The following NIBAN2 variants were observed in gnomAD, a reference collection of about 807,000 sequenced individuals.
The protein encoded by NIBAN2 is niban apoptosis regulator 2.
A neutral mutation model predicts 81.8 loss-of-function variants in NIBAN2; 36 were observed. The observed-to-expected ratio is 0.44, with a 90% CI of 0.34 to 0.58. The LOEUF is 0.58. NIBAN2 is among the 20% of genes least tolerant of loss of function. The pLI, the probability that NIBAN2 is intolerant of heterozygous loss-of-function variation, is 0.02. For missense variants in NIBAN2, 897 were observed against 1,014.1 expected, an observed-to-expected ratio of 0.88 and a Z score of 1.57; for synonymous variants, 445 against 441.6, an observed-to-expected ratio of 1.01 and a Z score of -0.10.
chr9:127,507,547 T>C lies in NIBAN2; in HGVS notation c.1655-116A>G. 1 of 943,416 alleles carries C rather than the reference T, an allele frequency of 1.1e-6. No individual in the cohort carries two copies. Among genetic ancestry groups the C allele is most frequent in the Non-Finnish European group, 1.6e-6 (1 of 644,000 alleles). 58.4% of individuals were successfully genotyped at this position (943,416 alleles called of 1,614,324 possible). A position where few individuals can be genotyped will look rare whatever the true frequency, so the allele number is the denominator to read the frequency against. ...CCGCCTTGGGGGTCTGTGGTTGGGA[T>C]GTGACTCATTCCAGGCCTCGTTGCT... On this transcript the variant is annotated intron_variant, in intron 13 of 13. Coordinates refer to ENST00000373312, the MANE Select transcript of NIBAN2 (RefSeq NM_022833.4). This position sits in a 1 kb window ranked among gnomAD's most constrained non-coding sequence, Gnocchi z 6.8.
At chr9:127,515,155 G>A (rs960623597) in intron 8 of NIBAN2, among the ~76,000 whole-genome samples, 4 of 152,102 alleles carry the variant, frequency 2.6e-5, no homozygotes, top group South Asian at 2.1e-4. Flanking sequence ...GAGCTCAGGA[G>A]GTCACGCAGT....
intron 1 of NIBAN2, among the ~76,000 whole-genome samples, chr9:127,544,446 T>G (rs987831510): frequency 1.3e-5 from 2 of 152,186 alleles, no homozygotes; most frequent in East Asian, 3.8e-4. Context: ...TAGGGCTGCA[T>G]GAACCCTATA....
intron 5 of NIBAN2, among the ~76,000 whole-genome samples, chr9:127,521,588 C>T (rs1171824413): frequency 6.6e-6 from 1 of 150,746 alleles, no homozygotes; most frequent in Non-Finnish European, 1.5e-5. Flanking sequence ...GTGAGCAATT[C>T]CAGGCTTCAC....
rs1837457448 is a variant in NIBAN2, at chr9:127,545,631, A to AT, written c.56-13854dup. Among the ~76,000 whole-genome samples, 1 of 152,040 alleles carries AT rather than the reference A, an allele frequency of 6.6e-6. No individual in the cohort carries two copies. The highest frequency in any genetic ancestry group is 6.5e-5 in the Admixed American group (1 of 15,278). ...TGAAAACTCTTCTCGGTTGGCAAAT[A>AT]TTTAACCAGGGCTGGGCCACAACAG... is the stretch of plus-strand genomic sequence containing the variant. On this transcript the variant is annotated intron_variant, in intron 1 of 13. Coordinates refer to ENST00000373312, the MANE Select transcript of NIBAN2 (RefSeq NM_022833.4). This position sits in a 1 kb window ranked among gnomAD's most constrained non-coding sequence, Gnocchi z 4.7.
intron 1 of NIBAN2, among the ~76,000 whole-genome samples, chr9:127,553,349 C>A (rs1180289768): frequency 6.6e-6 from 1 of 152,220 alleles, no homozygotes; most frequent in East Asian, 1.9e-4. Context: ...CGCCAAGCAA[C>A]CTGATATAAT....
At chr9:127,562,575 G>A (rs993678603) in intron 1 of NIBAN2, among the ~76,000 whole-genome samples, 3 of 152,166 alleles carry the variant, frequency 2.0e-5, no homozygotes, top group African/African-American at 7.2e-5. Context: ...CCCGTCCCCA[G>A]TACACAGGCA....
chr9:127,518,936 G>A (rs1360905490), intron 5 of NIBAN2, among the ~76,000 whole-genome samples: 2 of 152,156 alleles, frequency 1.3e-5, no homozygotes, highest in Non-Finnish European at 2.9e-5. Context: ...TACTTTGGGA[G>A]GCTGAGGTGG....
At chr9:127,522,626 C>T (rs1299320904) in intron 5 of NIBAN2, among the ~76,000 whole-genome samples, 2 of 152,108 alleles carry the variant, frequency 1.3e-5, no homozygotes, top group East Asian at 3.9e-4. Context: ...TTCAGGGCCT[C>T]GTGCAGTTCC....
chr9:127,517,771 C>T lies in NIBAN2; in HGVS notation c.705+55G>A. The T allele has an allele frequency of 2.9e-6, 4 of 1,394,374 alleles. No individual in the cohort carries two copies. The highest frequency in any genetic ancestry group is 4.0e-6 in the Non-Finnish European group (4 of 990,936). 86.4% of individuals were successfully genotyped at this position (1,394,374 alleles called of 1,614,324 possible). On this transcript the variant is annotated intron_variant, in intron 6 of 13. Coordinates refer to ENST00000373312, the MANE Select transcript of NIBAN2 (RefSeq NM_022833.4). The surrounding 1 kb of genome is among the most constrained non-coding windows in gnomAD (Gnocchi z 4.0). The stretch of plus-strand genomic sequence containing the variant: ...TCTGTACCCCACCCCCTGCCCTCCC[C>T]TGCTGGGTCCTTGGGTGACTTCTGA...
In NIBAN2 at chr9:127,517,162, C is replaced by T. The variant is rs757854593; in HGVS notation, c.760G>A (p.Gly254Ser). 6 of 1,613,924 alleles carry T rather than the reference C, an allele frequency of 3.7e-6. No individual in the cohort carries two copies. Among genetic ancestry groups the T allele is most frequent in the African/African-American group, 1.3e-5 (1 of 74,916 alleles). ...ELGPELKAEL[G>S]PRLKGKPQER... is the part of the protein sequence containing the mutation. ...TGCGGTTTCCCCTTCAGCCGCGGGC[C>T]GAGCTCTGCCTTCAGCTCAGGGCCC... The change falls in exon 7 of 14, where the codon GGC becomes AGC. Residue 254 changes from glycine to serine, a missense_variant. Gly to Ser is a moderately conservative substitution (Grantham distance 56). This residue lies in a region of NIBAN2 where 619 missense variants were observed against 691.0 expected (regional missense o/e 0.90). Transcript: ENST00000373312. The surrounding 1 kb of genome is among the most constrained non-coding windows in gnomAD (Gnocchi z 4.0).
chr9:127,511,900 C>T (rs146174225), intron 8 of NIBAN2, among the ~76,000 whole-genome samples: 216 of 152,266 alleles, frequency 1.4e-3, no homozygotes, highest in African/African-American at 4.7e-3. Flanking sequence ...TGAGATGCCA[C>T]GTCACCCCAG....
intron 1 of NIBAN2, among the ~76,000 whole-genome samples, chr9:127,540,403 A>G (rs1429902174): frequency 5.3e-5 from 8 of 152,170 alleles, no homozygotes; most frequent in Non-Finnish European, 1.2e-4. Context: ...GGACCTAAAA[A>G]GGCGTATCCC....
intron 8 of NIBAN2, among the ~76,000 whole-genome samples, chr9:127,514,981 C>G (rs1164606921): frequency 2.0e-5 from 3 of 151,914 alleles, no homozygotes; most frequent in African/African-American, 7.3e-5. Context: ...CTGGGCAACA[C>G]AGTAAGACCC....
intron 1 of NIBAN2, among the ~76,000 whole-genome samples, chr9:127,556,504 A>AC (rs1234612039): frequency 2.0e-5 from 3 of 152,214 alleles, no homozygotes; most frequent in Non-Finnish European, 4.4e-5. Flanking sequence ...CTGCTAGGGA[A>AC]CTAAAACAAT....
upstream of NIBAN2, among the ~76,000 whole-genome samples, chr9:127,569,963 G>A (rs1185041281): frequency 6.6e-6 from 1 of 152,172 alleles, no homozygotes; most frequent in Non-Finnish European, 1.5e-5. Context: ...CAGTGCCAGG[G>A]GAATGTGTTT....
At chr9:127,520,728 C>T (rs1836922187) in intron 5 of NIBAN2, among the ~76,000 whole-genome samples, 1 of 151,706 alleles carries the variant, frequency 6.6e-6, no homozygotes, top group Non-Finnish European at 1.5e-5. Flanking sequence ...ATTCTGGCTA[C>T]AAAAAATTAG....
intron 8 of NIBAN2, among the ~76,000 whole-genome samples, chr9:127,516,480 C>T (rs1184766466): frequency 1.3e-5 from 2 of 152,130 alleles, no homozygotes; most frequent in Admixed American, 6.5e-5. Flanking sequence ...ATCCGGGAGG[C>T]GGAGGTTGTG....
chr9:127,507,909 C>T lies in NIBAN2; in HGVS notation c.1612G>A (p.Glu538Lys), dbSNP rs1416553114. Reference protein sequence around the residue: ...ARFILVENTYEEVVLQTVMKD... With the variant: ...ARFILVENTYKEVVLQTVMKD... ...ATGACGGTCTGCAGCACCACCTCCTCGTACGTGTTTTCCACCAGGATGAAC... is the reference window on the plus strand; with the variant it reads ...ATGACGGTCTGCAGCACCACCTCCTTGTACGTGTTTTCCACCAGGATGAAC... Residue 538 changes from glutamate to lysine, a missense_variant, in exon 13 of 14, where the codon GAG becomes AAG. By Grantham distance (56) the Glu-to-Lys change is moderately conservative (BLOSUM62 1). Coordinates refer to ENST00000373312, the MANE Select transcript of NIBAN2 (RefSeq NM_022833.4). This position sits in a 1 kb window ranked among gnomAD's most constrained non-coding sequence, Gnocchi z 6.8. The T allele has an allele frequency of 5.0e-6, 8 of 1,614,088 alleles. No individual in the cohort carries two copies. Among genetic ancestry groups the T allele is most frequent in the African/African-American group, 1.3e-5 (1 of 74,940 alleles).
rs374309194 is a variant in NIBAN2, at chr9:127,519,302, CCT to C, written c.590-1363_590-1362del. On this transcript the variant is annotated intron_variant, in intron 5 of 13. Coordinates refer to ENST00000373312, the MANE Select transcript of NIBAN2 (RefSeq NM_022833.4). ...GGCCCAAACGCCAGCAAGGTAAACC[CCT>C]GAGTGAGGCGTGGACCTCCAGATTC... 7.2e-3 allele frequency among the ~76,000 whole-genome samples: 1,098 copies of C among 152,216 alleles called. 9 individuals are homozygous for C. Among genetic ancestry groups the C allele is most frequent in the African/African-American group, 0.025 (1,042 of 41,522 alleles).
Sources: allele counts gnomAD v4.1 joint callset (sites outside exome capture counted in the v4.1 genomes callset), GRCh38; gene constraint gnomAD v4.1.1; regional missense constraint gnomAD v4.1.1; non-coding constraint Gnocchi (gnomAD v3.1); transcripts MANE v1.5; gene names NCBI Gene and HGNC (gene_info 2026-07-23, HGNC 2026-07-21).